Variants in UBAP2L observed in about 807,000 individuals in gnomAD.
UBAP2L encodes the protein ubiquitin associated protein 2 like.
Under a neutral mutation model 130.6 loss-of-function variants are expected in UBAP2L, and 12 were observed. That is an observed-to-expected ratio of 0.09 (90% confidence interval 0.06 to 0.15). The LOEUF (loss-of-function observed/expected upper bound fraction) is 0.15. Ranked by LOEUF, UBAP2L falls within the 10% of genes least tolerant of loss-of-function variation. The pLI, the probability that UBAP2L is intolerant of heterozygous loss-of-function variation, is 1.00. For synonymous variants in UBAP2L, 503 were observed against 524.7 expected, an observed-to-expected ratio of 0.96 and a Z score of 0.57; for missense variants, 965 against 1,332.5, an observed-to-expected ratio of 0.72 and a Z score of 4.29.
intron 1 of UBAP2L, chr1:154,221,543 A>G (rs565361101): frequency 6.6e-6 from 1 of 152,212 alleles, no homozygotes; most frequent in Non-Finnish European, 1.5e-5. Flanking sequence ...GCTCCCCCAA[A>G]CTCCCCCATG....
At chr1:154,237,375 C>G (rs867591656) in intron 8 of UBAP2L, among the ~76,000 whole-genome samples, 1 of 152,170 alleles carries the variant, frequency 6.6e-6, no homozygotes, top group African/African-American at 2.4e-5. Context: ...TTTATCATCA[C>G]TTTCCAGATG....
At chr1:154,233,323 T>C (rs1200805338) in intron 4 of UBAP2L, among the ~76,000 whole-genome samples, 3 of 151,306 alleles carry the variant, frequency 2.0e-5, no homozygotes, top group Non-Finnish European at 4.4e-5. Context: ...CCCTTTTTTT[T>C]CTTTTTTTTT....
rs1442980604 is a variant in UBAP2L, at chr1:154,270,322, A to G, written c.*27A>G. ...GCCCTGACCCTCTTCTCCCGGTCCC[A>G]TCTTCTGAGAGGGCTTCTCAGCCTG... On this transcript the variant is annotated 3_prime_UTR_variant, in exon 27 of 27. Transcript: ENST00000428931. 1.9e-6 allele frequency: 3 copies of G among 1,613,508 alleles called. No individual in the cohort carries two copies. Among genetic ancestry groups the G allele is most frequent in the Non-Finnish European group, 2.5e-6 (3 of 1,179,838 alleles).
chr1:154,255,899 G>A, intron 18 of UBAP2L, 144 bp downstream of exon 18: 2 of 939,440 alleles, frequency 2.1e-6, no homozygotes, highest in African/African-American at 1.6e-5. Flanking sequence ...AGGAGTAAAG[G>A]GATGTTAGGA....
At chr1:154,267,151 GTTT>G (rs36051247) in intron 25 of UBAP2L, among the ~76,000 whole-genome samples, 1 of 108,618 alleles carries the variant, frequency 9.2e-6, no homozygotes, top group Non-Finnish European at 1.9e-5. Context: ...TATCCAACGA[GTTT>G]TTTTTTTTTT....
At chr1:154,239,956 G>A (rs1222587841) in intron 8 of UBAP2L, among the ~76,000 whole-genome samples, 1 of 152,168 alleles carries the variant, frequency 6.6e-6, no homozygotes, top group East Asian at 1.9e-4. Flanking sequence ...ATTTTCCTGG[G>A]AAAGTCTTTA....
chr1:154,221,732 T>C (rs1666213313), intron 1 of UBAP2L, among the ~76,000 whole-genome samples: 1 of 152,216 alleles, frequency 6.6e-6, no homozygotes, highest in Non-Finnish European at 1.5e-5. Context: ...TACCCTCCCT[T>C]CTTTCTCACC....
At chr1:154,227,631 C>T (rs1668409197) in intron 3 of UBAP2L, among the ~76,000 whole-genome samples, 1 of 151,178 alleles carries the variant, frequency 6.6e-6, no homozygotes, top group Non-Finnish European at 1.5e-5. Context: ...ATTGCAGCTT[C>T]TGCCTCCCGA....
intron 3 of UBAP2L, among the ~76,000 whole-genome samples, chr1:154,227,740 GT>G (rs201386683): frequency 0.032 from 4,848 of 151,946 alleles, 260 homozygotes; most frequent in African/African-American, 0.11. Flanking sequence ...TAAAGATGGG[GT>G]TTCACCATGT....
At chr1:154,246,159 C>CTA in intron 10 of UBAP2L, 45 bp from the exon 11 acceptor site, 1 of 1,536,834 alleles carries the variant, frequency 6.5e-7, no homozygotes, top group Non-Finnish European at 8.8e-7. Context: ...GGAATGTTAG[C>CTA]GTGTTCAGTC....
intron 26 of UBAP2L, 181 bp downstream of exon 26, chr1:154,269,135 G>A (rs1684170826): frequency 1.1e-6 from 1 of 920,552 alleles, no homozygotes; most frequent in Non-Finnish European, 1.6e-6. Context: ...GCCGGCAAAG[G>A]AAATCTCAGA....
chr1:154,251,224 T>C lies in UBAP2L; in HGVS notation c.1397T>C (p.Met466Thr). The C allele has an allele frequency of 6.2e-7, 1 of 1,614,208 alleles. No individual in the cohort carries two copies. The highest frequency in any genetic ancestry group is 1.7e-5 in the Admixed American group (1 of 60,010). ...AGCAAATCCACATCGGCTCCACAGATGTCGCCTGGATCTTCAGACAACCAG... is the reference window on the plus strand; with the variant it reads ...AGCAAATCCACATCGGCTCCACAGACGTCGCCTGGATCTTCAGACAACCAG... Reference protein sequence around the residue: ...LPSKSTSAPQMSPGSSDNQSS... With the variant: ...LPSKSTSAPQTSPGSSDNQSS... The change falls in exon 13 of 27, where the codon ATG (methionine) becomes ACG (threonine). Residue 466 changes from methionine (M) to threonine (T), a missense_variant. By Grantham distance (81) the Met-to-Thr change is moderately conservative. Around this residue, in one of 9 missense-constraint regions of UBAP2L, gnomAD observed 74 missense variants for 97.1 expected, o/e 0.76. Transcript: ENST00000428931.
chr1:154,267,880 CTT>C (rs869153080), intron 25 of UBAP2L, among the ~76,000 whole-genome samples: 281 of 52,042 alleles, frequency 5.4e-3, no homozygotes, highest in African/African-American at 0.02. Context: ...CTTATTTGGT[CTT>C]TTTTTTTTTT....
chr1:154,245,067 T>G (rs1571786542), intron 10 of UBAP2L, among the ~76,000 whole-genome samples: 1 of 152,040 alleles, frequency 6.6e-6, no homozygotes, highest in South Asian at 2.1e-4. Flanking sequence ...GAGTAGCTGG[T>G]ATAGTAGGCA....
In UBAP2L at chr1:154,237,069, T is replaced by G. The variant is rs766369944; in HGVS notation, c.636T>G (p.Asp212Glu). Residue 212 changes from aspartate (D) to glutamate (E), a missense_variant, in exon 8 of 27, where the codon GAT becomes GAG. Physicochemically the swap from Asp to Glu is conservative, Grantham distance 45 (BLOSUM62 2). Transcript: ENST00000428931. ...ADYAEPANTD[D>E]NYGNSSGNTW... is the part of the protein sequence containing the mutation. ...ATGCAGAGCCAGCCAATACTGATGA[T>G]AACTATGGCAATAGCAGCGGCAATA... 6.2e-7 allele frequency: 1 copy of G among 1,614,178 alleles called. No homozygotes were observed. Among genetic ancestry groups the G allele is most frequent in the Non-Finnish European group, 8.5e-7 (1 of 1,180,024 alleles).
Position 154,270,770 on chromosome 1 carries a change from G to GTTTTTTTTTTTTT in UBAP2L, c.*479_*491dup, listed in dbSNP as rs370017648. 499 of 921,084 alleles carry GTTTTTTTTTTTTT rather than the reference G, an allele frequency of 5.4e-4. 8 individuals are homozygous for GTTTTTTTTTTTTT. Among genetic ancestry groups the GTTTTTTTTTTTTT allele is most frequent in the East Asian group, 3.3e-3 (37 of 11,214 alleles). The allele number at this position is 921,084 out of a possible 1,614,324, so 57.1% of individuals were successfully genotyped here. A position where few individuals can be genotyped will look rare whatever the true frequency, so the allele number is the denominator to read the frequency against. On this transcript the variant is annotated 3_prime_UTR_variant, in exon 27 of 27. Transcript: ENST00000428931. The stretch of plus-strand genomic sequence containing the variant: ...AATTAGTTGAAGTGGTTTTTTTTTT[G>GTTTTTTTTTTTTT]TTTTTTTTTTTTTTTTGTACTGTGT...
chr1:154,266,686 C>T (rs767219949), intron 25 of UBAP2L, 118 bp downstream of exon 25: 1 of 1,050,160 alleles, frequency 9.5e-7, no homozygotes, highest in Non-Finnish European at 1.5e-6. Flanking sequence ...GGAAACCCAT[C>T]CTACTTTTTC....
chr1:154,268,009 C>T (rs1478211585), intron 25 of UBAP2L, among the ~76,000 whole-genome samples: 4 of 149,680 alleles, frequency 2.7e-5, no homozygotes, highest in Non-Finnish European at 5.9e-5. Context: ...CCTGCCTCAG[C>T]CTCCCAAGTA....
intron 24 of UBAP2L, chr1:154,263,268 G>A: frequency 6.6e-7 from 1 of 1,505,412 alleles, no homozygotes; most frequent in South Asian, 1.3e-5. Context: ...TGGCCTGCGT[G>A]GCTTGGGGAA....
Sources: allele counts gnomAD v4.1 joint callset (sites outside exome capture counted in the v4.1 genomes callset), GRCh38; gene constraint gnomAD v4.1.1; regional missense constraint gnomAD v4.1.1; transcripts MANE v1.5; gene names NCBI Gene and HGNC (gene_info 2026-07-23, HGNC 2026-07-21).